CSMD1: variants seen among roughly 807,000 people sequenced by gnomAD.
CSMD1 encodes the protein CUB and sushi domain-containing protein 1.
CSMD1 carries 213 observed loss-of-function variants against 417.5 expected under a neutral mutation model. The ratio of observed to expected loss-of-function variants is 0.51; its 90% CI spans 0.46 to 0.57. CSMD1 has a LOEUF of 0.57. Ranked by LOEUF, CSMD1 falls within the 20% of genes least tolerant of loss-of-function variation. CSMD1 has a pLI of 0.00. For missense variants in CSMD1, 6,923 were observed against 4,529.7 expected (o/e 1.53, Z -15.17); for synonymous variants, 2,862 against 1,736.8 (o/e 1.65, Z -16.11).
intron 5 of CSMD1, among the ~76,000 whole-genome samples, chr8:3,776,141 G>C (rs922660845): frequency 6.6e-6 from 1 of 151,962 alleles, no homozygotes; most frequent in African/African-American, 2.4e-5. Flanking sequence ...CACACACTCT[G>C]CTCATCTGCA....
At chr8:4,384,983 C>G (rs1276926861) in intron 3 of CSMD1, among the ~76,000 whole-genome samples, 2 of 152,124 alleles carry the variant, frequency 1.3e-5, no homozygotes, top group African/African-American at 4.8e-5. Flanking sequence ...TGCAATGGCG[C>G]AATCTCGATC....
chr8:4,215,214 C>G (rs1379561747), intron 3 of CSMD1, among the ~76,000 whole-genome samples: 3 of 152,194 alleles, frequency 2.0e-5, no homozygotes, highest in Non-Finnish European at 2.9e-5. Context: ...CAGCTGCGAC[C>G]TCTAGGTAGA....
chr8:4,454,600 G>T (rs867521859), intron 2 of CSMD1, among the ~76,000 whole-genome samples: 4 of 152,184 alleles, frequency 2.6e-5, no homozygotes, highest in African/African-American at 4.8e-5. Context: ...GCTGGCTGGG[G>T]AAGGAGGGCA....
chr8:3,897,990 A>T (rs1807479656), intron 5 of CSMD1, among the ~76,000 whole-genome samples: 1 of 152,182 alleles, frequency 6.6e-6, no homozygotes, highest in Admixed American at 6.5e-5. Context: ...GGAGAACTGG[A>T]GAGCTCCTAG....
intron 10 of CSMD1, among the ~76,000 whole-genome samples, chr8:3,525,576 G>A (rs1298593699): frequency 6.6e-6 from 1 of 152,168 alleles, no homozygotes; most frequent in Non-Finnish European, 1.5e-5. Flanking sequence ...CAGGGAACAA[G>A]CAGAGGGATA....
intron 10 of CSMD1, among the ~76,000 whole-genome samples, chr8:3,507,294 A>G (rs1200854221): frequency 6.6e-6 from 1 of 152,058 alleles, no homozygotes; most frequent in African/African-American, 2.4e-5. Flanking sequence ...TACTAAGAAT[A>G]TTTTTTAGCT....
At chr8:4,879,299 C>T (rs1231467111) in intron 1 of CSMD1, among the ~76,000 whole-genome samples, 1 of 151,882 alleles carries the variant, frequency 6.6e-6, no homozygotes, top group Non-Finnish European at 1.5e-5. Flanking sequence ...TGTTTATTGG[C>T]TATATTTAGC....
chr8:4,308,342 T>C (rs977644754), intron 3 of CSMD1, among the ~76,000 whole-genome samples: 2 of 152,192 alleles, frequency 1.3e-5, no homozygotes, highest in East Asian at 1.9e-4. Flanking sequence ...GTATCGTTTG[T>C]GGTGCGTGTG....
intron 3 of CSMD1, among the ~76,000 whole-genome samples, chr8:4,083,095 A>C (rs1388094374): frequency 2.6e-5 from 4 of 152,058 alleles, no homozygotes; most frequent in Non-Finnish European, 5.9e-5. Context: ...GTTTCTTTAT[A>C]GCAGCATGAT....
At chr8:4,005,091 G>T (rs142404451) in intron 4 of CSMD1, among the ~76,000 whole-genome samples, 1 of 152,098 alleles carries the variant, frequency 6.6e-6, no homozygotes, top group Non-Finnish European at 1.5e-5. Context: ...AAGCTATGAG[G>T]ATGCAAAGGA....
intron 2 of CSMD1, among the ~76,000 whole-genome samples, chr8:4,449,300 G>A (rs751546308): frequency 6.6e-6 from 1 of 152,192 alleles, no homozygotes; most frequent in African/African-American, 2.4e-5. Context: ...ACCAGGAGCA[G>A]ATGAAAAGAC....
rs1402797869 is a variant in CSMD1, at chr8:4,364,739, G to A, written c.415+55214C>T. ...ACTTGGGAGGCTGAGGCAGGAGAAT[G>A]GCGTGAACCCGGGAGGCGGAGCTTG... On this transcript the variant is annotated intron_variant, in intron 3 of 69. Coordinates refer to ENST00000635120, the MANE Select transcript of CSMD1 (RefSeq NM_033225.6). Among the ~76,000 whole-genome samples, 2 of 50,934 alleles carry A rather than the reference G, an allele frequency of 3.9e-5. 1 individual carries two copies. The highest frequency in any genetic ancestry group is 6.3e-5 in the Non-Finnish European group (2 of 31,780). The allele number at this position is 50,934 out of a possible 152,430, so 33.4% of individuals were successfully genotyped here.
intron 7 of CSMD1, among the ~76,000 whole-genome samples, chr8:3,680,350 G>A (rs541280104): frequency 8.5e-5 from 13 of 152,090 alleles, no homozygotes; most frequent in East Asian, 3.9e-4. Context: ...AATGACAAAG[G>A]GTATATCACC....
At chr8:3,503,937 G>C (rs1796715752) in intron 10 of CSMD1, among the ~76,000 whole-genome samples, 2 of 151,850 alleles carry the variant, frequency 1.3e-5, no homozygotes. Flanking sequence ...TGAGAATATG[G>C]AGGCGGGGGT....
chr8:4,065,330 G>T (rs918798830), intron 3 of CSMD1, among the ~76,000 whole-genome samples: 1 of 152,190 alleles, frequency 6.6e-6, no homozygotes, highest in Non-Finnish European at 1.5e-5. Flanking sequence ...CATTTAACCA[G>T]AATAAGGCTG....
intron 5 of CSMD1, among the ~76,000 whole-genome samples, chr8:3,917,301 T>C (rs1373520388): frequency 2.6e-5 from 4 of 152,134 alleles, no homozygotes; most frequent in Non-Finnish European, 5.9e-5. Context: ...GGTGATGCGT[T>C]GGGAGTAGCA....
intron 5 of CSMD1, among the ~76,000 whole-genome samples, chr8:3,858,920 C>A (rs961455455): frequency 1.3e-5 from 2 of 152,072 alleles, no homozygotes; most frequent in African/African-American, 4.8e-5. Context: ...ATGGATTTGG[C>A]GAGTTGGTTG....
chr8:3,655,367 T>C (rs1031241932), intron 7 of CSMD1, among the ~76,000 whole-genome samples: 8 of 152,212 alleles, frequency 5.3e-5, no homozygotes, highest in African/African-American at 1.9e-4. Context: ...AATTTGGCAG[T>C]GATTTTCATT....
intron 4 of CSMD1, among the ~76,000 whole-genome samples, chr8:4,025,768 G>C (rs971516132): frequency 4.6e-5 from 7 of 152,106 alleles, no homozygotes; most frequent in Non-Finnish European, 8.8e-5. Context: ...TTTGTTCCCT[G>C]TTTAAGGGAC....
Sources: gnomAD v4.1 joint callset for allele counts (sites outside exome capture counted in the v4.1 genomes callset) on GRCh38, gnomAD v4.1.1 for gene constraint, MANE v1.5 for transcripts, NCBI Gene and HGNC (gene_info 2026-07-23, HGNC 2026-07-21) for gene names.